TBC1D32: variants seen among roughly 807,000 people sequenced by gnomAD.
TBC1D32 encodes the protein protein broad-minded.
A neutral mutation model predicts 170.3 loss-of-function variants in TBC1D32; 151 were observed. The ratio of observed to expected loss-of-function variants is 0.89; its 90% CI spans 0.78 to 1.01. The LOEUF (loss-of-function observed/expected upper bound fraction) is 1.01, where lower values mean the gene tolerates loss of function less well. Ranked by LOEUF, TBC1D32 falls within the 50% of genes least tolerant of loss-of-function variation. The pLI, the probability that TBC1D32 is intolerant of heterozygous loss-of-function variation, is 0.00. For missense variants in TBC1D32, 1,464 were observed against 1,457.1 expected, an observed-to-expected ratio of 1.00 and a Z score of -0.08; for synonymous variants, 498 against 488.0, an observed-to-expected ratio of 1.02 and a Z score of -0.27.
At chr6:121,124,888 G>A (rs1780664836) in intron 26 of TBC1D32, among the ~76,000 whole-genome samples, 1 of 151,880 alleles carries the variant, frequency 6.6e-6, no homozygotes, top group Admixed American at 6.6e-5. Context: ...TTTTAAGAAT[G>A]ATTTCAATCT....
At position 121,303,760 on chromosome 6, in the gene TBC1D32, A is replaced by G. The variant is rs1258363358; in HGVS notation, c.937T>C (p.Tyr313His). Residue 313 changes from tyrosine (Y) to histidine (H), a missense_variant and splice_region_variant, in exon 9 of 32, where the codon TAT becomes CAT. Transcript: ENST00000398212. ...GTACTCTCCACAATTTCTTCCATAT[A>G]CCTTAAAGTTTGGGAAAAAAGAAAT... ...PSFWIRHPEK[Y>H]MEEIVESTLS... 4 of 1,518,794 alleles carry G rather than the reference A, an allele frequency of 2.6e-6. No homozygotes were observed. The highest frequency in any genetic ancestry group is 1.3e-5 in the South Asian group (1 of 75,486). 94.1% of individuals were successfully genotyped at this position (1,518,794 alleles called of 1,614,324 possible).
chr6:121,281,454 A>T, intron 14 of TBC1D32, 90 bp downstream of exon 14: 1 of 1,026,390 alleles, frequency 9.7e-7, no homozygotes, highest in Non-Finnish European at 1.4e-6. Context: ...CAGCATAATA[A>T]AATATTTCAA....
chr6:121,101,735 C>G (rs928385154), intron 30 of TBC1D32, among the ~76,000 whole-genome samples: 1 of 152,088 alleles, frequency 6.6e-6, no homozygotes, highest in African/African-American at 2.4e-5. Context: ...AAGTTCTGGC[C>G]AGGGCATTCA....
chr6:121,149,073 T>C (rs938936192), intron 24 of TBC1D32, among the ~76,000 whole-genome samples: 1 of 152,244 alleles, frequency 6.6e-6, no homozygotes, highest in African/African-American at 2.4e-5. Context: ...AAACTGTCTG[T>C]TCATATCCTT....
chr6:121,127,577 T>G (rs1402490763), intron 25 of TBC1D32, among the ~76,000 whole-genome samples: 2 of 152,248 alleles, frequency 1.3e-5, no homozygotes, highest in Middle Eastern at 3.4e-3. Flanking sequence ...TTTATAAAAA[T>G]GTTTCAAGTC....
At chr6:121,181,227 G>A (rs1207169540) in intron 22 of TBC1D32, among the ~76,000 whole-genome samples, 1 of 152,048 alleles carries the variant, frequency 6.6e-6, no homozygotes, top group East Asian at 1.9e-4. Context: ...GATATGGTTT[G>A]AATCTGTGTC....
chr6:121,328,319 T>C (rs1051083316), intron 1 of TBC1D32, among the ~76,000 whole-genome samples: 12 of 152,094 alleles, frequency 7.9e-5, no homozygotes, highest in African/African-American at 2.9e-4. Context: ...GGAGTCTCGC[T>C]CTGTCACCCA....
chr6:121,248,923 A>G (rs553057258), intron 17 of TBC1D32, among the ~76,000 whole-genome samples: 8 of 152,000 alleles, frequency 5.3e-5, no homozygotes, highest in African/African-American at 1.9e-4. Flanking sequence ...CAAAAGATAA[A>G]GAGAGAATCC....
chr6:121,087,808 A>T (rs1776402005), intron 31 of TBC1D32, among the ~76,000 whole-genome samples: 1 of 152,184 alleles, frequency 6.6e-6, no homozygotes, highest in Non-Finnish European at 1.5e-5. Flanking sequence ...TATTTACAAC[A>T]AAAAGTAGAA....
intron 10 of TBC1D32, among the ~76,000 whole-genome samples, chr6:121,296,830 G>C (rs540286584): frequency 2.6e-5 from 4 of 152,182 alleles, no homozygotes; most frequent in African/African-American, 9.6e-5. Context: ...ATACACTTAA[G>C]AGAAGCTCTT....
At chr6:121,238,764 C>T (rs1796613671) in intron 20 of TBC1D32, among the ~76,000 whole-genome samples, 1 of 151,688 alleles carries the variant, frequency 6.6e-6, no homozygotes. Flanking sequence ...TTTCTTTGTT[C>T]CAATGATTTT....
chr6:121,276,436 A>G (rs1252013956), intron 15 of TBC1D32, among the ~76,000 whole-genome samples: 1 of 152,136 alleles, frequency 6.6e-6, no homozygotes, highest in Admixed American at 6.6e-5. Context: ...AAAAAGTATA[A>G]TTGATATACT....
At chr6:121,240,801 G>A (rs1303710249) in intron 19 of TBC1D32, among the ~76,000 whole-genome samples, 1 of 150,758 alleles carries the variant, frequency 6.6e-6, no homozygotes, top group East Asian at 2.0e-4. Flanking sequence ...CTTGAACCCA[G>A]GAGGCGGAGG....
intron 21 of TBC1D32, among the ~76,000 whole-genome samples, chr6:121,217,953 A>G (rs1215761008): frequency 6.6e-6 from 1 of 152,242 alleles, no homozygotes; most frequent in Non-Finnish European, 1.5e-5. Context: ...AGTACCATAC[A>G]CTGAGAAAAA....
chr6:121,093,830 C>G (rs1351449571), intron 30 of TBC1D32, among the ~76,000 whole-genome samples: 3 of 151,986 alleles, frequency 2.0e-5, no homozygotes, highest in African/African-American at 4.8e-5. Context: ...GAGACTGTAA[C>G]AGAAAGTACT....
intron 1 of TBC1D32, among the ~76,000 whole-genome samples, chr6:121,331,086 T>C (rs1309871196): frequency 6.6e-6 from 1 of 152,236 alleles, no homozygotes; most frequent in Non-Finnish European, 1.5e-5. Context: ...CAAATGACAC[T>C]TTCCCTCACT....
intron 13 of TBC1D32, 141 bp from the exon 14 acceptor site, chr6:121,281,827 G>A: frequency 1.8e-6 from 1 of 557,056 alleles, no homozygotes; most frequent in South Asian, 3.8e-5. Context: ...TCCAAAGGAA[G>A]ATGTACTACC....
At chr6:121,130,209 C>T (rs1042538473) in intron 25 of TBC1D32, among the ~76,000 whole-genome samples, 2 of 152,032 alleles carry the variant, frequency 1.3e-5, no homozygotes, top group Non-Finnish European at 2.9e-5. Flanking sequence ...AGGCAGGGCG[C>T]GGTGGCTCAT....
chr6:121,160,229 A>G, intron 23 of TBC1D32, 126 bp from the exon 24 acceptor site: 2 of 601,308 alleles, frequency 3.3e-6, no homozygotes, highest in South Asian at 4.7e-5. Context: ...GTTGTTGCCC[A>G]GTTAACCAAA....
Sources: gnomAD v4.1 joint callset for allele counts (sites outside exome capture counted in the v4.1 genomes callset) on GRCh38, gnomAD v4.1.1 for gene constraint, MANE v1.5 for transcripts, NCBI Gene and HGNC (gene_info 2026-07-23, HGNC 2026-07-21) for gene names.